Variants in AGPAT4 observed in about 807,000 individuals in gnomAD.
The protein encoded by AGPAT4 is 1-acylglycerol-3-phosphate O-acyltransferase 4.
In AGPAT4, 15 loss-of-function variants were observed where a neutral mutation model predicts 48.0. The observed-to-expected ratio is 0.31, with a 90% confidence interval of 0.21 to 0.48. The LOEUF is 0.48. AGPAT4 is among the 20% of genes least tolerant of loss of function. The probability of loss-of-function intolerance (pLI) is 0.99; values close to 1 mark genes in which losing one functional copy is unlikely to be tolerated. For synonymous variants in AGPAT4, 178 were observed against 198.7 expected (o/e 0.90, Z 0.88); for missense variants, 314 against 482.5 (o/e 0.65, Z 3.27).
rs1030098557 is a variant in AGPAT4 at position 161,189,489 on chromosome 6, G to A, written c.179-23072C>T. 1.6e-4 allele frequency among the ~76,000 whole-genome samples: 24 copies of A among 152,264 alleles called. No homozygotes were observed. The highest frequency in any genetic ancestry group is 3.3e-4 in the Admixed American group (5 of 15,286). On this transcript the variant is annotated intron_variant, in intron 2 of 8. Coordinates refer to ENST00000320285, the MANE Select transcript of AGPAT4 (RefSeq NM_020133.3). This position sits in a 1 kb window ranked among gnomAD's most constrained non-coding sequence, Gnocchi z 5.3. Reference sequence around the variant, plus strand: ...ACAGTGAGTGAGGCTCGTCACATGCGGAATTCACTTACTTACAACCTTAGT... The same window carrying A: ...ACAGTGAGTGAGGCTCGTCACATGCAGAATTCACTTACTTACAACCTTAGT...
At chr6:161,213,523 T>A (rs1781570757) in intron 2 of AGPAT4, among the ~76,000 whole-genome samples, 3 of 152,168 alleles carry the variant, frequency 2.0e-5, no homozygotes, top group African/African-American at 7.2e-5. Flanking sequence ...TGTTCCTTCC[T>A]TTTTTTCCCA....
intron 1 of AGPAT4, among the ~76,000 whole-genome samples, chr6:161,252,561 C>T (rs937462422): frequency 2.0e-5 from 3 of 152,198 alleles, no homozygotes; most frequent in South Asian, 2.1e-4. Flanking sequence ...CAGAAGCTCA[C>T]GCCTATAGTC....
In AGPAT4 at chr6:161,177,224, T is replaced by A. The variant is rs1780452350; in HGVS notation, c.179-10807A>T. ...GTTGGGGAAGTTATCCTGGATAATATCCTGTAGAGTGTTTTCCAACGTGGT... is the reference window on the plus strand; with the variant it reads ...GTTGGGGAAGTTATCCTGGATAATAACCTGTAGAGTGTTTTCCAACGTGGT... On this transcript the variant is annotated intron_variant, in intron 2 of 8. Coordinates refer to ENST00000320285, the MANE Select transcript of AGPAT4 (RefSeq NM_020133.3). The surrounding 1 kb of genome is among the most constrained non-coding windows in gnomAD (Gnocchi z 5.0). 6.6e-6 allele frequency among the ~76,000 whole-genome samples: 1 copy of A among 152,224 alleles called. No individual in the cohort carries two copies. Among genetic ancestry groups the A allele is most frequent in the African/African-American group, 2.4e-5 (1 of 41,464 alleles).
At chr6:161,181,225 C>G (rs1254243371) in intron 2 of AGPAT4, among the ~76,000 whole-genome samples, 1 of 152,154 alleles carries the variant, frequency 6.6e-6, no homozygotes, top group Non-Finnish European at 1.5e-5. Flanking sequence ...ATTCAGCAGC[C>G]CAATGCGTCT....
At position 161,177,605 on chromosome 6, in the gene AGPAT4, C is replaced by G. The variant is rs1414798359; in HGVS notation, c.179-11188G>C. Among the ~76,000 whole-genome samples the G allele has an allele frequency of 6.6e-6, 1 of 152,144 alleles. No homozygotes were observed. The highest frequency in any genetic ancestry group is 1.5e-5 in the Non-Finnish European group (1 of 68,040). ...TTGGTTCAAACATCCTCCTTTAGCT[C>G]GGAGAAGTTTGTTATTACTGATCGT... On this transcript the variant is annotated intron_variant, in intron 2 of 8. Coordinates refer to ENST00000320285, the MANE Select transcript of AGPAT4 (RefSeq NM_020133.3). The surrounding 1 kb of genome is among the most constrained non-coding windows in gnomAD (Gnocchi z 5.0).
chr6:161,157,736 T>C (rs1038983740), intron 3 of AGPAT4, among the ~76,000 whole-genome samples: 3 of 152,234 alleles, frequency 2.0e-5, no homozygotes, highest in Non-Finnish European at 4.4e-5. Context: ...GTTAAAATAT[T>C]AAGGTAGAAG....
intron 3 of AGPAT4, among the ~76,000 whole-genome samples, chr6:161,157,710 G>A (rs1459891442): frequency 1.3e-5 from 2 of 152,174 alleles, no homozygotes; most frequent in African/African-American, 4.8e-5. Context: ...TGTTAACTAT[G>A]TTTGGTAAGA....
In AGPAT4 at chr6:161,166,123, C is replaced by G. The variant is rs1487703554; in HGVS notation, c.348+125G>C. 2 of 1,288,396 alleles carry G rather than the reference C, an allele frequency of 1.6e-6. No homozygotes were observed. Among genetic ancestry groups the G allele is most frequent in the African/African-American group, 1.5e-5 (1 of 66,978 alleles). The allele number at this position is 1,288,396 out of a possible 1,614,324, so 79.8% of individuals were successfully genotyped here. A position where few individuals can be genotyped will look rare whatever the true frequency, so the allele number is the denominator to read the frequency against. ...AGAATAAAAAGCAGTTTATTAGGACCATTTCATCAAGTAGAAACTCTGTTG... is the reference window on the plus strand; with the variant it reads ...AGAATAAAAAGCAGTTTATTAGGACGATTTCATCAAGTAGAAACTCTGTTG... On this transcript the variant is annotated intron_variant, in intron 3 of 8. Transcript: ENST00000320285. The surrounding 1 kb of genome is among the most constrained non-coding windows in gnomAD (Gnocchi z 6.7).
At chr6:161,162,514 G>C (rs1207091593) in intron 3 of AGPAT4, among the ~76,000 whole-genome samples, 1 of 152,220 alleles carries the variant, frequency 6.6e-6, no homozygotes, top group Non-Finnish European at 1.5e-5. Flanking sequence ...GCAAACCCGT[G>C]AGCAAGCTTG....
rs3798226 is a variant in AGPAT4, at chr6:161,132,816, G to A, written c.*3724C>T. Reference sequence around the variant, plus strand: ...GGACCTTGGAGAGTTGCATTTTGGGGGGCTCTCCTAGAAGCTCTGGGGGAA... The same window carrying A: ...GGACCTTGGAGAGTTGCATTTTGGGAGGCTCTCCTAGAAGCTCTGGGGGAA... On this transcript the variant is annotated 3_prime_UTR_variant, in exon 9 of 9. Transcript: ENST00000320285. 2.0e-3 allele frequency: 302 copies of A among 152,296 alleles called. 4 individuals are homozygous for A. The East Asian group carries it at 0.047, about 24-fold the overall frequency. 9.4% of individuals were successfully genotyped at this position (152,296 alleles called of 1,614,324 possible).
chr6:161,267,842 G>C lies in AGPAT4; in HGVS notation c.-90+6096C>G, dbSNP rs962604500. On this transcript the variant is annotated intron_variant, in intron 1 of 8. Transcript: ENST00000320285. This position sits in a 1 kb window ranked among gnomAD's most constrained non-coding sequence, Gnocchi z 5.2. The stretch of plus-strand genomic sequence containing the variant: ...GCCCAGGAATTCAAGGCCAGCTTGA[G>C]CAACAAAGTGAGACTGGCCTCTTAA... 6.6e-6 allele frequency among the ~76,000 whole-genome samples: 1 copy of C among 152,202 alleles called. No individual in the cohort carries two copies. Among genetic ancestry groups the C allele is most frequent in the African/African-American group, 2.4e-5 (1 of 41,462 alleles).
chr6:161,136,280 A>G lies in AGPAT4; in HGVS notation c.*260T>C. The G allele has an allele frequency of 2.0e-6, 1 of 492,812 alleles. No individual in the cohort carries two copies. The highest frequency in any genetic ancestry group is 3.7e-6 in the Non-Finnish European group (1 of 270,816). 30.5% of individuals were successfully genotyped at this position (492,812 alleles called of 1,614,324 possible). A position where few individuals can be genotyped will look rare whatever the true frequency, so the allele number is the denominator to read the frequency against. ...TTTCTATGATCACAGAACAAAGTTC[A>G]CACTCACCACACAGCCATTCTCACA... is the stretch of plus-strand genomic sequence containing the variant. On this transcript the variant is annotated 3_prime_UTR_variant, in exon 9 of 9. Transcript: ENST00000320285.
Position 161,244,026 on chromosome 6 carries a change from T to C in AGPAT4, c.-89-11724A>G, listed in dbSNP as rs1005205773. Among the ~76,000 whole-genome samples, 9 of 152,196 alleles carry C rather than the reference T, an allele frequency of 5.9e-5. No individual in the cohort carries two copies. In the South Asian group the frequency reaches 1.4e-3, roughly 24 times the overall value. ...CTGTCAATTCCCTACATAAATCTCATTGAAGAAATGAGTTGAATACTCGAT... is the reference window on the plus strand; with the variant it reads ...CTGTCAATTCCCTACATAAATCTCACTGAAGAAATGAGTTGAATACTCGAT... On this transcript the variant is annotated intron_variant, in intron 1 of 8. Coordinates refer to ENST00000320285, the MANE Select transcript of AGPAT4 (RefSeq NM_020133.3). This position sits in a 1 kb window ranked among gnomAD's most constrained non-coding sequence, Gnocchi z 4.7.
chr6:161,204,460 A>T lies in AGPAT4; in HGVS notation c.178+27576T>A, dbSNP rs9456640. ...ATTTTATCACCAGTTCCAACCTTAA[A>T]GGTAAATACTTCAGTTACTATTTAG... is the stretch of plus-strand genomic sequence containing the variant. On this transcript the variant is annotated intron_variant, in intron 2 of 8. Transcript: ENST00000320285. The surrounding 1 kb of genome is among the most constrained non-coding windows in gnomAD (Gnocchi z 4.4). Among the ~76,000 whole-genome samples, 729 of 152,272 alleles carry T rather than the reference A, an allele frequency of 4.8e-3. 5 individuals are homozygous for T. The highest frequency in any genetic ancestry group is 7.9e-3 in the Non-Finnish European group (540 of 68,034).
intron 8 of AGPAT4, 118 bp from the exon 9 acceptor site, chr6:161,136,752 C>T: frequency 1.2e-6 from 1 of 811,386 alleles, no homozygotes; most frequent in Non-Finnish European, 2.0e-6. Context: ...TCAGAGCTGG[C>T]TGGCGGGTTT....
Position 161,131,432 on chromosome 6 carries a change from CAA to C in AGPAT4, c.*5106_*5107del, listed in dbSNP as rs1471938182. On this transcript the variant is annotated 3_prime_UTR_variant, in exon 9 of 9. Coordinates refer to ENST00000320285, the MANE Select transcript of AGPAT4 (RefSeq NM_020133.3). Reference sequence around the variant, plus strand: ...CAAAATATTGACTGTACAAATTACTCAAGTTTATTTTGGCCTAATTATTCTTA... The same window carrying C: ...CAAAATATTGACTGTACAAATTACTCGTTTATTTTGGCCTAATTATTCTTA... 6.6e-6 allele frequency: 1 copy of C among 152,610 alleles called. No individual in the cohort carries two copies. The allele number at this position is 152,610 out of a possible 1,614,324, so 9.5% of individuals were successfully genotyped here.
In AGPAT4 at chr6:161,267,332, T is replaced by C. The variant is rs1272899604; in HGVS notation, c.-90+6606A>G. 1.3e-5 allele frequency among the ~76,000 whole-genome samples: 2 copies of C among 152,204 alleles called. No homozygotes were observed. The highest frequency in any genetic ancestry group is 4.8e-5 in the African/African-American group (2 of 41,450). On this transcript the variant is annotated intron_variant, in intron 1 of 8. Coordinates refer to ENST00000320285, the MANE Select transcript of AGPAT4 (RefSeq NM_020133.3). The surrounding 1 kb of genome is among the most constrained non-coding windows in gnomAD (Gnocchi z 5.2). The stretch of plus-strand genomic sequence containing the variant: ...TTCTCCAAATTCTAAAATACTACCC[T>C]TTCTTGCAGTAATTTTGCTGTTCTT...
At chr6:161,185,266 T>TTATG (rs1780735040) in intron 2 of AGPAT4, among the ~76,000 whole-genome samples, 1 of 151,232 alleles carries the variant, frequency 6.6e-6, no homozygotes, top group South Asian at 2.1e-4. Flanking sequence ...GACATTCTGA[T>TTATG]TATGTTTTTA....
rs1427109463 is a variant in AGPAT4, at chr6:161,234,818, T to C, written c.-89-2516A>G. Among the ~76,000 whole-genome samples the C allele has an allele frequency of 6.6e-6, 1 of 152,088 alleles. No homozygotes were observed. Among genetic ancestry groups the C allele is most frequent in the Non-Finnish European group, 1.5e-5 (1 of 68,022 alleles). On this transcript the variant is annotated intron_variant, in intron 1 of 8. Coordinates refer to ENST00000320285, the MANE Select transcript of AGPAT4 (RefSeq NM_020133.3). This position sits in a 1 kb window ranked among gnomAD's most constrained non-coding sequence, Gnocchi z 4.4. The stretch of plus-strand genomic sequence containing the variant: ...GACATCGGAAATGCAGGGGGTTAAA[T>C]GCTGCCTTCTTCAGTGTCCAGTTCA...
Sources: allele counts gnomAD v4.1 joint callset (sites outside exome capture counted in the v4.1 genomes callset), GRCh38; gene constraint gnomAD v4.1.1; non-coding constraint Gnocchi (gnomAD v3.1); transcripts MANE v1.5; gene names NCBI Gene and HGNC (gene_info 2026-07-23, HGNC 2026-07-21).